ZBTB40: variants seen among roughly 807,000 people sequenced by gnomAD.
ZBTB40 encodes the protein zinc finger and BTB domain-containing protein 40.
A neutral mutation model predicts 117.5 loss-of-function variants in ZBTB40; 60 were observed. The ratio of observed to expected loss-of-function variants is 0.51; its 90% confidence interval spans 0.41 to 0.63. The LOEUF (loss-of-function observed/expected upper bound fraction) is 0.63, where lower values mean the gene tolerates loss of function less well. Among genes scored for constraint, ZBTB40 ranks in the 30% least tolerant of loss-of-function variants. The pLI is 0.00. For synonymous variants in ZBTB40, 525 were observed against 577.1 expected, an observed-to-expected ratio of 0.91 and a Z score of 1.29; for missense variants, 1,287 against 1,498.5, an observed-to-expected ratio of 0.86 and a Z score of 2.33.
chr1:22,433,438 A>ACAAAAACAAAAACAAAAAAT (rs1225536166), intron 1 of ZBTB40, among the ~76,000 whole-genome samples: 1 of 129,108 alleles, frequency 7.7e-6, no homozygotes, highest in African/African-American at 2.9e-5. Context: ...CTCTCAAAAA[A>ACAAAAACAAAAACAAAAAAT]AAAAAAAAAA....
chr1:22,457,531 C>T (rs1488686841), intron 1 of ZBTB40, among the ~76,000 whole-genome samples: 4 of 152,170 alleles, frequency 2.6e-5, no homozygotes, highest in African/African-American at 9.7e-5. Flanking sequence ...TTTGCATGAG[C>T]GACCTCTGCT....
At chr1:22,430,805 G>A (rs1640570501) in intron 1 of ZBTB40, among the ~76,000 whole-genome samples, 1 of 151,932 alleles carries the variant, frequency 6.6e-6, no homozygotes, top group Non-Finnish European at 1.5e-5. Context: ...TTACCCCATG[G>A]GTTAATTAGA....
chr1:22,433,028 T>A (rs1374794130), intron 1 of ZBTB40, among the ~76,000 whole-genome samples: 1 of 152,216 alleles, frequency 6.6e-6, no homozygotes, highest in Non-Finnish European at 1.5e-5. Context: ...TTTGTAAAGT[T>A]AACCATGCAG....
At chr1:22,472,074 G>A (rs1641420822) in intron 1 of ZBTB40, among the ~76,000 whole-genome samples, 1 of 152,206 alleles carries the variant, frequency 6.6e-6, no homozygotes, top group South Asian at 2.1e-4. Flanking sequence ...AAGGAGGATT[G>A]TTTGGGCAGG....
chr1:22,454,801 A>G (rs1299440221), intron 1 of ZBTB40, among the ~76,000 whole-genome samples: 1 of 152,280 alleles, frequency 6.6e-6, no homozygotes, highest in Non-Finnish European at 1.5e-5. Flanking sequence ...TGTGCAGATT[A>G]AATAAGAGAA....
At chr1:22,446,059 TAAAG>T (rs1640785507) in intron 1 of ZBTB40, among the ~76,000 whole-genome samples, 1 of 151,622 alleles carries the variant, frequency 6.6e-6, no homozygotes, top group Non-Finnish European at 1.5e-5. Flanking sequence ...ACAATGTAAA[TAAAG>T]AGATGGAAAT....
At chr1:22,442,428 G>A (rs1640743920) in intron 1 of ZBTB40, among the ~76,000 whole-genome samples, 1 of 152,114 alleles carries the variant, frequency 6.6e-6, no homozygotes, top group Admixed American at 6.5e-5. Flanking sequence ...GAGAGACCCT[G>A]GGGTTGTTTG....
In ZBTB40 at chr1:22,513,095, C is replaced by T; in HGVS notation, c.2633C>T (p.Ala878Val). The T allele has an allele frequency of 6.2e-7, 1 of 1,614,136 alleles. No individual in the cohort carries two copies. The highest frequency in any genetic ancestry group is 8.5e-7 in the Non-Finnish European group (1 of 1,180,028). ...HCLMTFTQAS[A>V]LAYHTKKKHS... ...CTCATGACCTTCACCCAGGCCTCCG[C>T]CCTGGCCTATCACACCAAGAAGAAG... Residue 878 changes from alanine to valine, a missense_variant, in exon 12 of 18, where the codon GCC becomes GTC. Ala to Val is a moderately conservative substitution (Grantham distance 64). Around this residue, in one of 2 missense-constraint regions of ZBTB40, gnomAD observed 417 missense variants for 564.1 expected, o/e 0.74. Coordinates refer to ENST00000375647, the MANE Select transcript of ZBTB40 (RefSeq NM_014870.4). This position sits in a 1 kb window ranked among gnomAD's most constrained non-coding sequence, Gnocchi z 4.9.
chr1:22,473,239 A>T (rs1278158628), intron 1 of ZBTB40, among the ~76,000 whole-genome samples: 1 of 152,184 alleles, frequency 6.6e-6, no homozygotes, highest in Non-Finnish European at 1.5e-5. Context: ...CTGAATCAGA[A>T]TCTTTTCATT....
At chr1:22,465,779 G>T (rs1029033163) in intron 1 of ZBTB40, among the ~76,000 whole-genome samples, 1 of 152,088 alleles carries the variant, frequency 6.6e-6, no homozygotes, top group Non-Finnish European at 1.5e-5. Flanking sequence ...GCTGCCCCAT[G>T]GGGGGCAGGG....
At position 22,511,394 on chromosome 1, in the gene ZBTB40, G is replaced by C. The variant is rs201357822; in HGVS notation, c.2002+47G>C. The C allele has an allele frequency of 4.2e-5, 67 of 1,607,840 alleles. 1 individual carries two copies. In the Middle Eastern group the frequency reaches 8.3e-4, roughly 20 times the overall value. On this transcript the variant is annotated intron_variant, in intron 10 of 17. Transcript: ENST00000375647. ...AAGGGGGTTCCTATCAGCACACCAGGTTGTTTCTTGAAGAAAGAGACAGCA... is the reference window on the plus strand; with the variant it reads ...AAGGGGGTTCCTATCAGCACACCAGCTTGTTTCTTGAAGAAAGAGACAGCA...
intron 1 of ZBTB40, among the ~76,000 whole-genome samples, chr1:22,471,773 C>T (rs1486338812): frequency 6.6e-6 from 1 of 152,230 alleles, no homozygotes; most frequent in Non-Finnish European, 1.5e-5. Context: ...GAACACATGA[C>T]ACCTGACAGT....
intron 1 of ZBTB40, among the ~76,000 whole-genome samples, chr1:22,482,803 G>A (rs551818901): frequency 6.6e-6 from 1 of 152,290 alleles, no homozygotes; most frequent in Admixed American, 6.5e-5. Context: ...CGGGTGCGGT[G>A]GCTCACGCCT....
chr1:22,506,216 A>G lies in ZBTB40; in HGVS notation c.1335A>G (p.Lys445=). 3 of 1,614,182 alleles carry G rather than the reference A, an allele frequency of 1.9e-6. No individual in the cohort carries two copies. The highest frequency in any genetic ancestry group is 1.7e-6 in the Non-Finnish European group (2 of 1,180,026). ...NLGLLLEKLQ[K]SATLPSTTVQ... ...GCCTTCTGCTAGAGAAGTTGCAGAA[A>G]TCAGCCACTTTGCCAAGCACCACAG... The change falls in exon 6 of 18, where the codon AAA becomes AAG. Residue 445 remains lysine (K), a synonymous_variant. Coordinates refer to ENST00000375647, the MANE Select transcript of ZBTB40 (RefSeq NM_014870.4).
chr1:22,431,199 T>C (rs1305218487), intron 1 of ZBTB40, among the ~76,000 whole-genome samples: 1 of 150,088 alleles, frequency 6.7e-6, no homozygotes, highest in East Asian at 1.9e-4. Flanking sequence ...ATCAGCAGAT[T>C]AGTGTATGTA....
At chr1:22,511,109 T>C (rs1027609823) in intron 9 of ZBTB40, 70 bp from the exon 10 acceptor site, 23 of 1,569,628 alleles carry the variant, frequency 1.5e-5, no homozygotes, top group African/African-American at 2.7e-5. Context: ...TTTTTTTTTT[T>C]TAGGTTGAAA....
upstream of ZBTB40, among the ~76,000 whole-genome samples, chr1:22,447,546 G>C (rs556484933): frequency 2.4e-4 from 36 of 152,338 alleles, no homozygotes; most frequent in South Asian, 7.3e-3. Flanking sequence ...CATCACTCCA[G>C]TTTTGGATCA....
chr1:22,477,116 T>C (rs1641568761), intron 1 of ZBTB40, among the ~76,000 whole-genome samples: 1 of 152,210 alleles, frequency 6.6e-6, no homozygotes, highest in African/African-American at 2.4e-5. Flanking sequence ...CCCAAATCAC[T>C]AGTGTATCCC....
chr1:22,511,744 A>C lies in ZBTB40; in HGVS notation c.2071A>C (p.Asn691His). ...GAGTAATAAATTTCACCTTGAAGCCAACAACAAAGAAGATGAAAAGGCAGC... is the reference window on the plus strand; with the variant it reads ...GAGTAATAAATTTCACCTTGAAGCCCACAACAAAGAAGATGAAAAGGCAGC... ...KVSNKFHLEA[N>H]NKEDEKAAKE... The change falls in exon 11 of 18, where the codon AAC becomes CAC. Residue 691 changes from asparagine to histidine, a missense_variant. Transcript: ENST00000375647. The C allele has an allele frequency of 6.2e-7, 1 of 1,607,692 alleles. No individual in the cohort carries two copies. Among genetic ancestry groups the C allele is most frequent in the East Asian group, 2.2e-5 (1 of 44,834 alleles).
Sources: gnomAD v4.1 joint callset for allele counts (sites outside exome capture counted in the v4.1 genomes callset) on GRCh38, gnomAD v4.1.1 for gene constraint, gnomAD v4.1.1 regional missense constraint, Gnocchi (gnomAD v3.1) non-coding constraint, MANE v1.5 for transcripts, NCBI Gene and HGNC (gene_info 2026-07-23, HGNC 2026-07-21) for gene names.